FAM234B: variants seen among roughly 807,000 people sequenced by gnomAD.
FAM234B encodes family with sequence similarity 234 member B, also known as protein FAM234B.
A neutral mutation model predicts 69.3 loss-of-function variants in FAM234B; 33 were observed. The ratio of observed to expected loss-of-function variants is 0.48; its 90% CI spans 0.36 to 0.64. The LOEUF is 0.64. FAM234B is among the 30% of genes least tolerant of loss of function. FAM234B has a pLI of 0.00. For synonymous variants in FAM234B, 306 were observed against 306.9 expected (o/e 1.00, Z 0.03); for missense variants, 697 against 769.7 (o/e 0.91, Z 1.12).
intron 1 of FAM234B, among the ~76,000 whole-genome samples, chr12:13,046,951 T>C (rs1445371770): frequency 2.0e-5 from 3 of 152,094 alleles, no homozygotes; most frequent in Non-Finnish European, 4.4e-5. Flanking sequence ...ACTACATATT[T>C]ACCTCCTAGG....
At chr12:13,058,716 A>T (rs949102268) in intron 3 of FAM234B, among the ~76,000 whole-genome samples, 167 bp downstream of exon 3, 36 of 152,198 alleles carry the variant, frequency 2.4e-4, no homozygotes, top group Admixed American at 6.5e-5. Context: ...CCACATATAA[A>T]TAAAGCTCAG....
intron 11 of FAM234B, among the ~76,000 whole-genome samples, chr12:13,077,619 G>A (rs892061815): frequency 5.9e-5 from 9 of 151,538 alleles, no homozygotes; most frequent in Non-Finnish European, 1.0e-4. Flanking sequence ...TTTTATGGCT[G>A]CATAGTATTC....
Position 13,055,730 on chromosome 12 carries a change from CATCTTTCAG to C in FAM234B, c.219_227del (p.His73_Glu76delinsGln). On this transcript the variant is annotated inframe_deletion, in exon 2 of 13. Coordinates refer to ENST00000197268, the MANE Select transcript of FAM234B (RefSeq NM_020853.2). ...TGAGGTTGCAGAGGCTGCAAAGCCACATCTTTCAGAAGTCACCACGGAGGGCTACCCCTC... is the reference window on the plus strand; with the variant it reads ...TGAGGTTGCAGAGGCTGCAAAGCCACAAGTCACCACGGAGGGCTACCCCTC... The C allele has an allele frequency of 6.2e-7, 1 of 1,614,258 alleles. No homozygotes were observed. The highest frequency in any genetic ancestry group is 1.3e-5 in the African/African-American group (1 of 75,072).
chr12:13,078,575 A>G (rs1335489219), intron 11 of FAM234B, among the ~76,000 whole-genome samples: 4 of 152,230 alleles, frequency 2.6e-5, no homozygotes, highest in Admixed American at 6.5e-5. Flanking sequence ...AGGGTATTCA[A>G]TTAGGAAAAG....
chr12:13,071,154 T>C, intron 9 of FAM234B, 87 bp from the exon 10 acceptor site: 1 of 1,378,074 alleles, frequency 7.3e-7, no homozygotes, highest in East Asian at 2.3e-5. Context: ...GTTATTTGAA[T>C]ACCTGTGCAT....
At chr12:13,080,576 C>T (rs776502963) in intron 12 of FAM234B, 49 bp from the exon 13 acceptor site, 2 of 1,508,430 alleles carry the variant, frequency 1.3e-6, no homozygotes. Flanking sequence ...TTTCTTTGAA[C>T]ATCTCTACCA....
intron 1 of FAM234B, among the ~76,000 whole-genome samples, chr12:13,054,439 T>A (rs1025538323): frequency 3.3e-5 from 5 of 152,236 alleles, no homozygotes; most frequent in African/African-American, 1.2e-4. Context: ...TATAGTGTTT[T>A]ATTCTTTCAT....
rs1195328419 is a variant in FAM234B at position 13,083,285 on chromosome 12, C to G, written c.*2655C>G. On this transcript the variant is annotated 3_prime_UTR_variant, in exon 13 of 13. Coordinates refer to ENST00000197268, the MANE Select transcript of FAM234B (RefSeq NM_020853.2). ...AAACACCCTCCCTTTTCCTTAGACCCCGTTTTTGCCATCCCCCAAATGTGT... is the reference window on the plus strand; with the variant it reads ...AAACACCCTCCCTTTTCCTTAGACCGCGTTTTTGCCATCCCCCAAATGTGT... 1 of 152,532 alleles carries G rather than the reference C, an allele frequency of 6.6e-6. No homozygotes were observed. The highest frequency in any genetic ancestry group is 1.9e-4 in the East Asian group (1 of 5,186). 9.4% of individuals were successfully genotyped at this position (152,532 alleles called of 1,614,324 possible).
chr12:13,062,756 G>A (rs1269370881), intron 4 of FAM234B, 89 bp from the exon 5 acceptor site: 11 of 1,441,776 alleles, frequency 7.6e-6, no homozygotes, highest in South Asian at 2.6e-5. Context: ...AGCCCCTTGC[G>A]TCTTTCTTTT....
Position 13,066,636 on chromosome 12 carries a change from T to A in FAM234B, c.853-4T>A. The A allele has an allele frequency of 6.2e-7, 1 of 1,610,124 alleles. No homozygotes were observed. The highest frequency in any genetic ancestry group is 8.5e-7 in the Non-Finnish European group (1 of 1,178,154). Reference sequence around the variant, plus strand: ...GACTCCACCCCCCTCTCTTACTTCCTCAGCCAGATCTGTGCTTTCTGCTGG... The same window carrying A: ...GACTCCACCCCCCTCTCTTACTTCCACAGCCAGATCTGTGCTTTCTGCTGG... On this transcript the variant is annotated splice_region_variant and splice_polypyrimidine_tract_variant and intron_variant, in intron 5 of 12. Coordinates refer to ENST00000197268, the MANE Select transcript of FAM234B (RefSeq NM_020853.2).
At chr12:13,053,464 G>A (rs766338674) in intron 1 of FAM234B, among the ~76,000 whole-genome samples, 4 of 152,124 alleles carry the variant, frequency 2.6e-5, no homozygotes, top group Non-Finnish European at 5.9e-5. Flanking sequence ...TACAAAGAGA[G>A]GAATTTTATA....
Position 13,044,840 on chromosome 12 carries a change from G to T in FAM234B, c.37+400G>T, listed in dbSNP as rs1022505861. ...TGGCTGGACCTGGGCGGGGGCGGCG[G>T]GACGGCGAGTGGCCCTCTGTGGATC... On this transcript the variant is annotated intron_variant, in intron 1 of 12. Transcript: ENST00000197268. This position sits in a 1 kb window ranked among gnomAD's most constrained non-coding sequence, Gnocchi z 5.6. 6.6e-6 allele frequency among the ~76,000 whole-genome samples: 1 copy of T among 152,212 alleles called. No individual in the cohort carries two copies. Among genetic ancestry groups the T allele is most frequent in the African/African-American group, 2.4e-5 (1 of 41,452 alleles).
chr12:13,048,463 G>GT (rs1023357648), intron 1 of FAM234B, among the ~76,000 whole-genome samples: 6 of 147,456 alleles, frequency 4.1e-5, no homozygotes, highest in Non-Finnish European at 6.0e-5. Context: ...ATTGTAGGAA[G>GT]TTTTTTTTGG....
chr12:13,068,560 G>T, intron 8 of FAM234B, 70 bp from the exon 9 acceptor site: 1 of 1,581,430 alleles, frequency 6.3e-7, no homozygotes. Context: ...GCAAGAGAAG[G>T]GAGGGAGAGT....
chr12:13,082,443 G>A lies in FAM234B; in HGVS notation c.*1813G>A, dbSNP rs576793493. 1 of 152,246 alleles carries A rather than the reference G, an allele frequency of 6.6e-6. No individual in the cohort carries two copies. The highest frequency in any genetic ancestry group is 1.5e-5 in the Non-Finnish European group (1 of 68,024). 9.4% of individuals were successfully genotyped at this position (152,246 alleles called of 1,614,324 possible). A position where few individuals can be genotyped will look rare whatever the true frequency, so the allele number is the denominator to read the frequency against. ...GTAGATTGGCCTTATCAGGTTTCTG[G>A]GTGCCTCTGCCTTAAGATCCTGAAG... is the stretch of plus-strand genomic sequence containing the variant. On this transcript the variant is annotated 3_prime_UTR_variant, in exon 13 of 13. Transcript: ENST00000197268.
chr12:13,047,389 T>G (rs1864823591), intron 1 of FAM234B, among the ~76,000 whole-genome samples: 1 of 152,242 alleles, frequency 6.6e-6, no homozygotes, highest in Non-Finnish European at 1.5e-5. Context: ...TTATATGCCC[T>G]TGGGTAAACT....
In FAM234B at chr12:13,061,603, A is replaced by G. The variant is rs3741818; in HGVS notation, c.561A>G (p.Val187=). 1,312,165 of 1,612,674 alleles carry G rather than the reference A, an allele frequency of 0.81. 542,590 individuals carry two copies. Among genetic ancestry groups the G allele is most frequent in the Non-Finnish European group, 0.86 (1,016,575 of 1,179,416 alleles). Residue 187 remains valine (V), a synonymous_variant, in exon 4 of 13, where the codon GTA becomes GTG. Transcript: ENST00000197268. ...VGVSRPAANL[V]CLSGMNGSTL... The stretch of plus-strand genomic sequence containing the variant: ...TCTCAAGACCAGCTGCTAATCTTGT[A>G]TGCCTTTCGGGGATGAATGGCAGCA...
rs1204932269 is a variant in FAM234B at position 13,044,925 on chromosome 12, C to T, written c.37+485C>T. 1.3e-5 allele frequency among the ~76,000 whole-genome samples: 2 copies of T among 152,294 alleles called. No individual in the cohort carries two copies. The highest frequency in any genetic ancestry group is 4.1e-4 in the South Asian group (2 of 4,830). The stretch of plus-strand genomic sequence containing the variant: ...ATGAGGCAGGTGGGACAGGTATTTA[C>T]GTCCCTTCCTAGTTTACAGAAGAGA... On this transcript the variant is annotated intron_variant, in intron 1 of 12. Coordinates refer to ENST00000197268, the MANE Select transcript of FAM234B (RefSeq NM_020853.2). The surrounding 1 kb of genome is among the most constrained non-coding windows in gnomAD (Gnocchi z 5.6).
intron 1 of FAM234B, among the ~76,000 whole-genome samples, chr12:13,046,279 C>G (rs1234949927): frequency 2.0e-5 from 3 of 152,074 alleles, no homozygotes; most frequent in Non-Finnish European, 4.4e-5. Flanking sequence ...TCCTTCTTGC[C>G]CTTTCTTCTT....
Sources: gnomAD v4.1 joint callset for allele counts (sites outside exome capture counted in the v4.1 genomes callset) on GRCh38, gnomAD v4.1.1 for gene constraint, Gnocchi (gnomAD v3.1) non-coding constraint, MANE v1.5 for transcripts, NCBI Gene and HGNC (gene_info 2026-07-23, HGNC 2026-07-21) for gene names.